INTS4: variants seen among roughly 807,000 people sequenced by gnomAD.
INTS4 encodes MSTP093.
INTS4 carries 70 observed loss-of-function variants against 119.5 expected under a neutral mutation model. The ratio of observed to expected loss-of-function variants is 0.59; its 90% CI spans 0.48 to 0.71. The LOEUF (loss-of-function observed/expected upper bound fraction) is 0.71, where lower values mean the gene tolerates loss of function less well. Among genes scored for constraint, INTS4 ranks in the 30% least tolerant of loss-of-function variants. INTS4 has a pLI of 0.00. For synonymous variants in INTS4, 316 were observed against 419.6 expected (o/e 0.75, Z 3.02); for missense variants, 867 against 1,173.2 (o/e 0.74, Z 3.81).
At chr11:77,963,290 G>T in intron 4 of INTS4, 1 of 340,018 alleles carries the variant, frequency 2.9e-6, no homozygotes, top group Admixed American at 5.1e-5. Context: ...GTCACTTCTT[G>T]CATCAAGGTC....
chr11:77,915,520 G>A (rs989238087), intron 15 of INTS4, among the ~76,000 whole-genome samples: 2 of 152,002 alleles, frequency 1.3e-5, no homozygotes, highest in African/African-American at 4.8e-5. Flanking sequence ...TTCTCCCCAC[G>A]ACCTGTCCAG....
intron 14 of INTS4, among the ~76,000 whole-genome samples, chr11:77,920,403 T>G (rs1953329607): frequency 6.6e-6 from 1 of 150,938 alleles, no homozygotes; most frequent in African/African-American, 2.4e-5. Flanking sequence ...ATTGGAAGAG[T>G]ACCTGAGCCA....
chr11:77,986,604 T>C (rs2136659374), intron 2 of INTS4, among the ~76,000 whole-genome samples: 1 of 152,212 alleles, frequency 6.6e-6, no homozygotes, highest in African/African-American at 2.4e-5. Context: ...CCACCAACGA[T>C]AGACTGGATT....
chr11:77,901,201 G>A (rs1484015267), intron 18 of INTS4, among the ~76,000 whole-genome samples: 1 of 152,184 alleles, frequency 6.6e-6, no homozygotes, highest in Non-Finnish European at 1.5e-5. Flanking sequence ...TCACCAGAGG[G>A]TTTTTAGCAA....
At chr11:77,927,735 A>C (rs1219813944) in intron 11 of INTS4, among the ~76,000 whole-genome samples, 2 of 152,192 alleles carry the variant, frequency 1.3e-5, no homozygotes, top group Non-Finnish European at 2.9e-5. Flanking sequence ...TCACTACAAG[A>C]ATAAAATCAA....
At chr11:77,951,672 T>C (rs532949477) in intron 8 of INTS4, among the ~76,000 whole-genome samples, 4 of 152,200 alleles carry the variant, frequency 2.6e-5, no homozygotes, top group African/African-American at 9.6e-5. Context: ...TGGGATCTAA[T>C]TAAACTAAAG....
At chr11:77,983,907 G>C (rs1856347399) in intron 2 of INTS4, among the ~76,000 whole-genome samples, 1 of 151,918 alleles carries the variant, frequency 6.6e-6, no homozygotes, top group Non-Finnish European at 1.5e-5. Flanking sequence ...TTTAAAGCAG[G>C]GTCTTGAAGA....
At chr11:77,879,270 A>C (rs889858416) in intron 22 of INTS4, 143 bp from the exon 23 acceptor site, 2 of 833,254 alleles carry the variant, frequency 2.4e-6, no homozygotes, top group Non-Finnish European at 3.7e-6. Context: ...TACCCTCACC[A>C]AACAAAACAC....
intron 10 of INTS4, among the ~76,000 whole-genome samples, chr11:77,929,837 C>T (rs966893502): frequency 5.9e-5 from 9 of 152,128 alleles, no homozygotes; most frequent in African/African-American, 1.7e-4. Context: ...GTTGTTAGGA[C>T]TAAATGAGAT....
rs1952261829 is a variant in INTS4 at position 77,891,464 on chromosome 11, T to C, written c.2449-2A>G. On this transcript the variant is annotated splice_acceptor_variant, in intron 20 of 22. Transcript: ENST00000534064. LOFTEE classifies it high-confidence loss of function. ...GATGGTGGCTGAGGCTTTGTGGATC[T>C]GTAAGCAAGAGGAAAATCCTATGAT... 3.1e-6 allele frequency: 5 copies of C among 1,613,694 alleles called. No individual in the cohort carries two copies. The highest frequency in any genetic ancestry group is 2.2e-5 in the East Asian group (1 of 44,878).
At chr11:77,898,620 T>C (rs911769149) in intron 18 of INTS4, among the ~76,000 whole-genome samples, 3 of 152,246 alleles carry the variant, frequency 2.0e-5, no homozygotes, top group African/African-American at 4.8e-5. Context: ...AAGTTCAATA[T>C]GTTCATTAAA....
At chr11:77,948,676 AAAAAG>A (rs1240164286) in intron 8 of INTS4, among the ~76,000 whole-genome samples, 32 of 91,428 alleles carry the variant, frequency 3.5e-4, no homozygotes, top group African/African-American at 1.7e-3. Context: ...AACAAAAAAA[AAAAAG>A]AAGAAGAAGA....
At chr11:77,967,177 AC>A (rs1206712082) in intron 4 of INTS4, among the ~76,000 whole-genome samples, 28 of 152,280 alleles carry the variant, frequency 1.8e-4, no homozygotes, top group African/African-American at 5.8e-4. Context: ...GGAACTCATG[AC>A]CCAACAGTCA....
chr11:77,896,073 TAAGTC>T (rs1459448184), intron 18 of INTS4, among the ~76,000 whole-genome samples: 26 of 152,264 alleles, frequency 1.7e-4, no homozygotes, highest in Admixed American at 1.5e-3. Context: ...CAAAAAGAGT[TAAGTC>T]AAGGCAAGAA....
intron 4 of INTS4, among the ~76,000 whole-genome samples, chr11:77,970,596 A>G (rs1855690073): frequency 1.3e-5 from 2 of 151,956 alleles, no homozygotes; most frequent in Non-Finnish European, 2.9e-5. Flanking sequence ...TGGGAGGCTG[A>G]GGCAGGCATA....
intron 19 of INTS4, among the ~76,000 whole-genome samples, chr11:77,892,433 A>G (rs1433052266): frequency 6.6e-6 from 1 of 152,214 alleles, no homozygotes; most frequent in Non-Finnish European, 1.5e-5. Flanking sequence ...AGGATGAATT[A>G]AGAACATCAG....
intron 2 of INTS4, among the ~76,000 whole-genome samples, chr11:77,986,676 T>C (rs918934816): frequency 1.3e-5 from 2 of 152,224 alleles, no homozygotes; most frequent in South Asian, 2.1e-4. Flanking sequence ...GATGCGTTCA[T>C]GTCCTTCGCA....
intron 2 of INTS4, among the ~76,000 whole-genome samples, chr11:77,983,707 G>C (rs1054091507): frequency 7.9e-5 from 12 of 152,160 alleles, no homozygotes; most frequent in Non-Finnish European, 4.4e-5. Context: ...AGAGAAATTA[G>C]AATCTTTGTG....
At chr11:77,918,764 C>A in intron 15 of INTS4, 57 bp downstream of exon 15, 1 of 1,580,478 alleles carries the variant, frequency 6.3e-7, no homozygotes, top group Non-Finnish European at 8.6e-7. Context: ...GAATTCAGAA[C>A]AGTCAAGCTG....
Sources: gnomAD v4.1 joint callset for allele counts (sites outside exome capture counted in the v4.1 genomes callset) on GRCh38, gnomAD v4.1.1 for gene constraint, MANE v1.5 for transcripts, NCBI Gene and HGNC (gene_info 2026-07-23, HGNC 2026-07-21) for gene names.